The following PELI2 variants were observed in gnomAD, a reference collection of about 807,000 sequenced individuals.
PELI2 encodes the protein E3 ubiquitin-protein ligase pellino homolog 2.
In PELI2, 23 loss-of-function variants were observed where a neutral mutation model predicts 42.3. The ratio of observed to expected loss-of-function variants is 0.54; its 90% confidence interval spans 0.39 to 0.77. The LOEUF (loss-of-function observed/expected upper bound fraction) is 0.77. PELI2 is among the 30% of genes least tolerant of loss of function. The pLI is 0.00. For synonymous variants in PELI2, 245 were observed against 212.2 expected (o/e 1.15, Z -1.34); for missense variants, 463 against 553.2 (o/e 0.84, Z 1.64).
At position 56,288,863 on chromosome 14, in the gene PELI2, A is replaced by C. The variant is rs934692255; in HGVS notation, c.507+229A>C. 1.3e-5 allele frequency among the ~76,000 whole-genome samples: 2 copies of C among 152,214 alleles called. No homozygotes were observed. Among genetic ancestry groups the C allele is most frequent in the Admixed American group, 1.3e-4 (2 of 15,282 alleles). On this transcript the variant is annotated intron_variant, in intron 4 of 5. Coordinates refer to ENST00000267460, the MANE Select transcript of PELI2 (RefSeq NM_021255.3). This position sits in a 1 kb window ranked among gnomAD's most constrained non-coding sequence, Gnocchi z 4.6. The stretch of plus-strand genomic sequence containing the variant: ...TTATATTGTAATATTTACAGTAAGT[A>C]CTTTTTTTAAAGTATGCCTATAACA...
chr14:56,276,287 A>G (rs1485614487), intron 2 of PELI2, among the ~76,000 whole-genome samples: 4 of 152,178 alleles, frequency 2.6e-5, no homozygotes, highest in African/African-American at 9.7e-5. Context: ...TGTGAGCCCT[A>G]ATTCATGTAA....
In PELI2 at chr14:56,137,372, G is replaced by A. The variant is rs530892413; in HGVS notation, c.77+18635G>A. On this transcript the variant is annotated intron_variant, in intron 1 of 5. Coordinates refer to ENST00000267460, the MANE Select transcript of PELI2 (RefSeq NM_021255.3). ...GCTCTGCCTCTGGATTAAAGTGGAGGAAAAGAATGAAACCCTATGCTACCT... is the reference window on the plus strand; with the variant it reads ...GCTCTGCCTCTGGATTAAAGTGGAGAAAAAGAATGAAACCCTATGCTACCT... Among the ~76,000 whole-genome samples, 6 of 152,264 alleles carry A rather than the reference G, an allele frequency of 3.9e-5. 1 individual carries two copies. In the South Asian group the frequency reaches 1.2e-3, roughly 32 times the overall value.
At chr14:56,153,184 T>G (rs939785787) in intron 1 of PELI2, among the ~76,000 whole-genome samples, 3 of 152,250 alleles carry the variant, frequency 2.0e-5, no homozygotes, top group African/African-American at 7.2e-5. Context: ...AAATCCTGTT[T>G]AATTTTTTTT....
chr14:56,165,860 G>A (rs1036738826), intron 1 of PELI2, among the ~76,000 whole-genome samples: 8 of 152,156 alleles, frequency 5.3e-5, no homozygotes, highest in African/African-American at 1.9e-4. Flanking sequence ...CCATTGGCTG[G>A]AATAACTTTT....
chr14:56,286,612 G>A (rs1361424708), intron 3 of PELI2, among the ~76,000 whole-genome samples: 1 of 152,198 alleles, frequency 6.6e-6, no homozygotes, highest in African/African-American at 2.4e-5. Context: ...AAGCATCTTG[G>A]CTTGTGTGCA....
At chr14:56,185,610 G>C (rs939531792) in intron 2 of PELI2, among the ~76,000 whole-genome samples, 1 of 152,180 alleles carries the variant, frequency 6.6e-6, no homozygotes, top group African/African-American at 2.4e-5. Flanking sequence ...TTTGAGGTAT[G>C]ATTTGCAGTG....
intron 2 of PELI2, among the ~76,000 whole-genome samples, chr14:56,235,381 TA>T (rs2139780950): frequency 6.6e-6 from 1 of 152,330 alleles, no homozygotes; most frequent in Non-Finnish European, 1.5e-5. Flanking sequence ...ACATTGTACT[TA>T]AAGGGAACAT....
chr14:56,151,255 C>T (rs1884340345), intron 1 of PELI2, among the ~76,000 whole-genome samples: 1 of 152,148 alleles, frequency 6.6e-6, no homozygotes, highest in Non-Finnish European at 1.5e-5. Context: ...CCCTCGGCCC[C>T]CATTTACCTG....
At position 56,222,928 on chromosome 14, in the gene PELI2, A is replaced by G. The variant is rs531779033; in HGVS notation, c.207+44464A>G. On this transcript the variant is annotated intron_variant, in intron 2 of 5. Coordinates refer to ENST00000267460, the MANE Select transcript of PELI2 (RefSeq NM_021255.3). ...GGTGTTGATGGAGAAAGGGCAAAGG[A>G]TGAACGAAGGAGAAGGGAACACGTA... is the stretch of plus-strand genomic sequence containing the variant. Among the ~76,000 whole-genome samples the G allele has an allele frequency of 2.0e-5, 3 of 152,328 alleles. No homozygotes were observed. In the East Asian group the frequency reaches 5.8e-4, roughly 29 times the overall value.
intron 2 of PELI2, among the ~76,000 whole-genome samples, chr14:56,198,090 G>A (rs190725256): frequency 3.2e-4 from 48 of 152,022 alleles, no homozygotes; most frequent in South Asian, 8.3e-4. Context: ...ACAGAGAAGC[G>A]AATATATCTT....
At chr14:56,254,666 C>T (rs981705947) in intron 2 of PELI2, among the ~76,000 whole-genome samples, 18 of 152,170 alleles carry the variant, frequency 1.2e-4, no homozygotes, top group African/African-American at 4.1e-4. Flanking sequence ...TAAAGAGCTT[C>T]TGCACAGCAA....
At chr14:56,192,562 C>T (rs1885987308) in intron 2 of PELI2, among the ~76,000 whole-genome samples, 1 of 152,144 alleles carries the variant, frequency 6.6e-6, no homozygotes, top group East Asian at 1.9e-4. Flanking sequence ...TGGATGTCCC[C>T]TGGAGGGCTA....
intron 1 of PELI2, among the ~76,000 whole-genome samples, chr14:56,158,582 T>G (rs1884649023): frequency 6.6e-6 from 1 of 152,122 alleles, no homozygotes; most frequent in Non-Finnish European, 1.5e-5. Flanking sequence ...CTTGAACTCC[T>G]GGGTTCAAGC....
At chr14:56,135,426 TCA>T (rs1883649451) in intron 1 of PELI2, among the ~76,000 whole-genome samples, 1 of 152,152 alleles carries the variant, frequency 6.6e-6, no homozygotes, top group African/African-American at 2.4e-5. Flanking sequence ...GCGCATGCTC[TCA>T]ATAAAAAATG....
At chr14:56,162,754 A>G (rs1884811577) in intron 1 of PELI2, among the ~76,000 whole-genome samples, 1 of 152,124 alleles carries the variant, frequency 6.6e-6, no homozygotes, top group South Asian at 2.1e-4. Context: ...CCTTTTCTCC[A>G]TGTCCTTGCC....
intron 2 of PELI2, among the ~76,000 whole-genome samples, chr14:56,234,558 A>G (rs1474790709): frequency 6.6e-6 from 1 of 152,120 alleles, no homozygotes; most frequent in Non-Finnish European, 1.5e-5. Context: ...CAATGAGAAC[A>G]CTTGGACACA....
intron 1 of PELI2, among the ~76,000 whole-genome samples, chr14:56,159,490 T>C (rs144019678): frequency 2.6e-5 from 4 of 152,346 alleles, no homozygotes; most frequent in African/African-American, 7.2e-5. Flanking sequence ...CATTCAGGAA[T>C]AAGATATAAT....
intron 2 of PELI2, among the ~76,000 whole-genome samples, chr14:56,192,265 A>AT (rs1260720651): frequency 6.6e-6 from 1 of 152,184 alleles, no homozygotes; most frequent in African/African-American, 2.4e-5. Flanking sequence ...TGTTACACTG[A>AT]TACCTTTCTA....
intron 2 of PELI2, among the ~76,000 whole-genome samples, chr14:56,251,385 A>G (rs1888338366): frequency 6.6e-6 from 1 of 152,212 alleles, no homozygotes; most frequent in Non-Finnish European, 1.5e-5. Context: ...CCCTGCAACA[A>G]TCCTGTAAGG....
Sources: gnomAD v4.1 joint callset for allele counts (sites outside exome capture counted in the v4.1 genomes callset) on GRCh38, gnomAD v4.1.1 for gene constraint, Gnocchi (gnomAD v3.1) non-coding constraint, MANE v1.5 for transcripts, NCBI Gene and HGNC (gene_info 2026-07-23, HGNC 2026-07-21) for gene names.